The following IPP variants were observed in gnomAD, a reference collection of about 807,000 sequenced individuals.
IPP encodes the protein actin-binding protein IPP.
Under a neutral mutation model 64.1 loss-of-function variants are expected in IPP, and 41 were observed. The observed-to-expected ratio is 0.64, with a 90% CI of 0.50 to 0.83. The LOEUF (loss-of-function observed/expected upper bound fraction) is 0.83, where lower values mean the gene tolerates loss of function less well. IPP is among the 40% of genes least tolerant of loss of function. IPP has a pLI of 0.00. For missense variants in IPP, 649 were observed against 703.0 expected (o/e 0.92, Z 0.87); for synonymous variants, 214 against 235.2 (o/e 0.91, Z 0.83).
intron 2 of IPP, 103 bp downstream of exon 2, chr1:45,746,017 G>T: frequency 2.1e-6 from 2 of 967,542 alleles, no homozygotes; most frequent in Non-Finnish European, 1.5e-6. Context: ...ATAACATGTT[G>T]CTAAATTACC....
intron 8 of IPP, among the ~76,000 whole-genome samples, chr1:45,709,687 C>G (rs1645564553): frequency 7.6e-6 from 1 of 130,756 alleles, no homozygotes; most frequent in Non-Finnish European, 1.6e-5. Flanking sequence ...ATTAGCTGGG[C>G]ATGGTGGCAT....
intron 4 of IPP, among the ~76,000 whole-genome samples, chr1:45,728,251 C>T (rs1280556567): frequency 6.6e-6 from 1 of 151,020 alleles, no homozygotes; most frequent in East Asian, 2.0e-4. Flanking sequence ...TCGATCTTCC[C>T]TCATCAACCT....
chr1:45,719,581 A>G (rs1645704631), intron 5 of IPP, among the ~76,000 whole-genome samples: 1 of 152,206 alleles, frequency 6.6e-6, no homozygotes, highest in African/African-American at 2.4e-5. Flanking sequence ...TCTACCACCC[A>G]AACAATCAAA....
At chr1:45,695,373 C>T (rs1451095987), downstream of IPP, among the ~76,000 whole-genome samples, 3 of 152,118 alleles carry the variant, frequency 2.0e-5, no homozygotes, top group Admixed American at 2.0e-4. Context: ...CTATGTTGCC[C>T]AGGCTGGTCT....
intron 8 of IPP, among the ~76,000 whole-genome samples, chr1:45,705,289 G>C (rs956108032): frequency 2.0e-5 from 3 of 152,310 alleles, no homozygotes; most frequent in African/African-American, 7.2e-5. Context: ...AGGAAATAAG[G>C]CTTCTTGAAG....
chr1:45,749,500 T>TG (rs1216353450), intron 1 of IPP, among the ~76,000 whole-genome samples: 36 of 149,290 alleles, frequency 2.4e-4, no homozygotes, highest in African/African-American at 8.4e-4. Flanking sequence ...TTTTGTTTTT[T>TG]TTTTTTGTTT....
chr1:45,716,795 A>T, intron 7 of IPP, 100 bp downstream of exon 7: 1 of 999,880 alleles, frequency 1.0e-6, no homozygotes, highest in South Asian at 1.7e-5. Flanking sequence ...GTCATTCAAT[A>T]CTAACAGACT....
At chr1:45,721,030 C>A (rs1439701796) in intron 5 of IPP, among the ~76,000 whole-genome samples, 1 of 152,018 alleles carries the variant, frequency 6.6e-6, no homozygotes, top group African/African-American at 2.4e-5. Context: ...TCAAAGGATA[C>A]CATAAAGAGA....
downstream of IPP, chr1:45,698,046 T>C (rs1390640019): frequency 6.6e-6 from 1 of 151,872 alleles, no homozygotes; most frequent in African/African-American, 2.4e-5. Context: ...CCCATGCCTG[T>C]AATCCCAGCA....
At position 45,699,083 on chromosome 1, in the gene IPP, C is replaced by A. The variant is rs1344969999; in HGVS notation, c.*883G>T. 1.0e-6 allele frequency: 1 copy of A among 985,222 alleles called. No homozygotes were observed. The highest frequency in any genetic ancestry group is 1.1e-4 in the East Asian group (1 of 8,828). The allele number at this position is 985,222 out of a possible 1,614,324, so 61.0% of individuals were successfully genotyped here. A position where few individuals can be genotyped will look rare whatever the true frequency, so the allele number is the denominator to read the frequency against. On this transcript the variant is annotated 3_prime_UTR_variant, in exon 9 of 9. Coordinates refer to ENST00000396478, the MANE Select transcript of IPP (RefSeq NM_005897.3). ...GCCTGCTGGACTGTATAGCCCATTA[C>A]AACATCTGGTCACTAAGAACCTCCT...
chr1:45,697,777 T>C (rs1645399798), downstream of IPP, among the ~76,000 whole-genome samples: 1 of 150,712 alleles, frequency 6.6e-6, no homozygotes, highest in Non-Finnish European at 1.5e-5. Flanking sequence ...GCCAACATGG[T>C]GAAACTCCGT....
At chr1:45,715,832 G>T (rs1645651015) in intron 7 of IPP, among the ~76,000 whole-genome samples, 1 of 152,126 alleles carries the variant, frequency 6.6e-6, no homozygotes, top group Admixed American at 6.5e-5. Flanking sequence ...TATGATTTCA[G>T]ATGGGATGAT....
intron 5 of IPP, among the ~76,000 whole-genome samples, chr1:45,724,155 G>GT (rs1031597204): frequency 1.1e-4 from 16 of 151,930 alleles, no homozygotes; most frequent in East Asian, 1.9e-4. Flanking sequence ...CTGGTTTTCG[G>GT]TTTTTTTTGG....
downstream of IPP, chr1:45,694,438 T>C (rs1280825953): frequency 6.6e-7 from 1 of 1,520,684 alleles, no homozygotes; most frequent in Non-Finnish European, 8.9e-7. Flanking sequence ...AAAATCCCCT[T>C]TGTTAGAGTC....
chr1:45,733,767 G>A (rs1264620609), intron 3 of IPP, among the ~76,000 whole-genome samples: 2 of 151,818 alleles, frequency 1.3e-5, no homozygotes, highest in Non-Finnish European at 2.9e-5. Flanking sequence ...GGGAGGCGGA[G>A]GTTGTAGTGA....
At chr1:45,713,051 G>A (rs1033587507) in intron 8 of IPP, among the ~76,000 whole-genome samples, 5 of 151,894 alleles carry the variant, frequency 3.3e-5, no homozygotes, top group African/African-American at 1.2e-4. Flanking sequence ...AGAATTTACA[G>A]TTTCTATTAT....
chr1:45,720,972 G>A lies in IPP; in HGVS notation c.1049-1632C>T, dbSNP rs190982543. 9.2e-3 allele frequency among the ~76,000 whole-genome samples: 1,400 copies of A among 151,742 alleles called. 11 individuals carry two copies. The highest frequency in any genetic ancestry group is 0.015 in the Non-Finnish European group (999 of 67,874). On this transcript the variant is annotated intron_variant, in intron 5 of 8. Coordinates refer to ENST00000396478, the MANE Select transcript of IPP (RefSeq NM_005897.3). ...ATGCAAGAAACATTAACAATAAAGGGAAAAAAATAAGAGATTTGACTACAC... is the reference window on the plus strand; with the variant it reads ...ATGCAAGAAACATTAACAATAAAGGAAAAAAAATAAGAGATTTGACTACAC...
chr1:45,742,658 C>T (rs1054708811), intron 2 of IPP, among the ~76,000 whole-genome samples: 1 of 152,008 alleles, frequency 6.6e-6, no homozygotes, highest in African/African-American at 2.4e-5. Context: ...CTCAACCTCC[C>T]GAGTAGCTGG....
At chr1:45,705,334 A>T (rs927499555) in intron 8 of IPP, among the ~76,000 whole-genome samples, 8 of 152,268 alleles carry the variant, frequency 5.3e-5, no homozygotes, top group Admixed American at 2.0e-4. Flanking sequence ...CAGAAAAAGT[A>T]TAAGATAAAC....
Sources: gnomAD v4.1 joint callset for allele counts (sites outside exome capture counted in the v4.1 genomes callset) on GRCh38, gnomAD v4.1.1 for gene constraint, MANE v1.5 for transcripts, NCBI Gene and HGNC (gene_info 2026-07-23, HGNC 2026-07-21) for gene names.